Variants in SIPA1L2 observed in about 807,000 individuals in gnomAD.
SIPA1L2 encodes signal-induced proliferation-associated 1-like protein 2.
Under a neutral mutation model 163.9 loss-of-function variants are expected in SIPA1L2, and 56 were observed. That is an observed-to-expected ratio of 0.34 (90% CI 0.28 to 0.43). The LOEUF is 0.43. Ranked by LOEUF, SIPA1L2 falls within the 20% of genes least tolerant of loss-of-function variation. SIPA1L2 has a pLI of 1.00. For missense variants in SIPA1L2, 1,974 were observed against 2,193.5 expected, an observed-to-expected ratio of 0.90 and a Z score of 2.00; for synonymous variants, 877 against 865.7, an observed-to-expected ratio of 1.01 and a Z score of -0.23.
intron 1 of SIPA1L2, among the ~76,000 whole-genome samples, chr1:232,599,185 T>C (rs922216461): frequency 5.9e-5 from 9 of 152,170 alleles, no homozygotes; most frequent in African/African-American, 2.2e-4. Flanking sequence ...GCAGGGGTTC[T>C]GGATTCAGAT....
At chr1:232,585,285 C>A (rs1660596737) in intron 1 of SIPA1L2, among the ~76,000 whole-genome samples, 1 of 152,172 alleles carries the variant, frequency 6.6e-6, no homozygotes, top group Admixed American at 6.5e-5. Context: ...ATAAACATAG[C>A]AGAATATACT....
At chr1:232,420,523 C>G (rs116792093) in intron 18 of SIPA1L2, among the ~76,000 whole-genome samples, 1 of 151,976 alleles carries the variant, frequency 6.6e-6, no homozygotes, top group Non-Finnish European at 1.5e-5. Flanking sequence ...GGAGCCCGTA[C>G]AACTCTTCTG....
chr1:232,601,510 T>C (rs1021477524), intron 1 of SIPA1L2, among the ~76,000 whole-genome samples: 1 of 152,200 alleles, frequency 6.6e-6, no homozygotes, highest in African/African-American at 2.4e-5. Flanking sequence ...GATGTCTTCT[T>C]TGATGATTAA....
chr1:232,404,189 A>C lies in SIPA1L2; in HGVS notation c.4763-11T>G. 1 of 1,613,840 alleles carries C rather than the reference A, an allele frequency of 6.2e-7. No individual in the cohort carries two copies. The highest frequency in any genetic ancestry group is 8.5e-7 in the Non-Finnish European group (1 of 1,179,840). On this transcript the variant is annotated splice_polypyrimidine_tract_variant and intron_variant, in intron 19 of 22. Transcript: ENST00000674635. ...CATCTGAGTCAAGACCTGAAATAAG[A>C]TTTAGAATTTTCCTATGAACAGGAG... is the stretch of plus-strand genomic sequence containing the variant.
chr1:232,402,950 G>T (rs1317208967), intron 21 of SIPA1L2, among the ~76,000 whole-genome samples: 1 of 152,228 alleles, frequency 6.6e-6, no homozygotes, highest in Non-Finnish European at 1.5e-5. Context: ...CACGGGGAAT[G>T]AACATGTCAT....
At chr1:232,552,060 G>A (rs756580755) in intron 2 of SIPA1L2, among the ~76,000 whole-genome samples, 8 of 152,024 alleles carry the variant, frequency 5.3e-5, no homozygotes, top group South Asian at 4.2e-4. Context: ...GGCTGGTCTC[G>A]AATTCCTGAC....
intron 2 of SIPA1L2, among the ~76,000 whole-genome samples, chr1:232,541,225 T>TATCAC (rs1265416760): frequency 6.9e-6 from 1 of 145,072 alleles, no homozygotes; most frequent in East Asian, 2.0e-4. Context: ...CCTGCACATG[T>TATCAC]ATCACATCAC....
chr1:232,585,142 A>G (rs1420356960), intron 1 of SIPA1L2, among the ~76,000 whole-genome samples: 1 of 152,268 alleles, frequency 6.6e-6, no homozygotes, highest in African/African-American at 2.4e-5. Context: ...GGGAAATACA[A>G]TGAAACCATT....
intron 2 of SIPA1L2, among the ~76,000 whole-genome samples, chr1:232,518,839 T>C (rs909607476): frequency 1.6e-4 from 24 of 152,160 alleles, no homozygotes; most frequent in African/African-American, 5.8e-4. Flanking sequence ...TTCTAGTATG[T>C]GGCAGATGTT....
chr1:232,614,345 C>G (rs113402792), intron 1 of SIPA1L2, among the ~76,000 whole-genome samples: 1 of 152,150 alleles, frequency 6.6e-6, no homozygotes, highest in African/African-American at 2.4e-5. Flanking sequence ...AATCAGCAGG[C>G]CAGTTTTCCT....
chr1:232,514,550 C>G lies in SIPA1L2; in HGVS notation c.790G>C (p.Val264Leu), dbSNP rs192976302. The G allele has an allele frequency of 2.5e-6, 4 of 1,614,184 alleles. No homozygotes were observed. The change falls in exon 3 of 23, where the codon GTG becomes CTG. Residue 264 changes from valine to leucine, a missense_variant. Val to Leu is a conservative substitution (Grantham distance 32). This residue lies in a region of SIPA1L2 where 607 missense variants were observed against 624.0 expected (regional missense o/e 0.97). Coordinates refer to ENST00000674635, the MANE Select transcript of SIPA1L2 (RefSeq NM_020808.5). ...CTCCCCATCAGGAGGGCACTGTCCA[C>G]ATAATCTAATCCTGAGATGCGGACA... ...EFVRISGLDY[V>L]DSALLMGRDR...
At chr1:232,431,586 C>T (rs2102830930) in intron 16 of SIPA1L2, among the ~76,000 whole-genome samples, 1 of 152,286 alleles carries the variant, frequency 6.6e-6, no homozygotes, top group African/African-American at 2.4e-5. Context: ...TCATTTAGCA[C>T]GAGTATTCTG....
chr1:232,575,023 C>T (rs1028007548), intron 1 of SIPA1L2, among the ~76,000 whole-genome samples: 13 of 152,180 alleles, frequency 8.5e-5, no homozygotes, highest in African/African-American at 3.1e-4. Context: ...GTCATCTGGA[C>T]TCCTAAGATC....
rs148524095 is a variant in SIPA1L2 at position 232,457,760 on chromosome 1, G to A, written c.3095+3127C>T. Reference sequence around the variant, plus strand: ...ACAGTTTCTTAACAAATCTAATAATGCAGAAGGCTAAACATGCTGAGCGCG... The same window carrying A: ...ACAGTTTCTTAACAAATCTAATAATACAGAAGGCTAAACATGCTGAGCGCG... On this transcript the variant is annotated intron_variant, in intron 10 of 22. Transcript: ENST00000674635. Among the ~76,000 whole-genome samples the A allele has an allele frequency of 7.2e-3, 1,094 of 152,260 alleles. 14 individuals are homozygous for A. The highest frequency in any genetic ancestry group is 0.025 in the African/African-American group (1,032 of 41,540).
At position 232,576,987 on chromosome 1, in the gene SIPA1L2, A is replaced by G. The variant is rs148242910; in HGVS notation, c.-318-2765T>C. Among the ~76,000 whole-genome samples the G allele has an allele frequency of 2.0e-3, 299 of 152,330 alleles. 1 individual carries two copies. The highest frequency in any genetic ancestry group is 6.9e-3 in the African/African-American group (285 of 41,580). ...TACAAGGAGAGCTACACTAAACAGC[A>G]AATGTTCTATGTAAATCAAACAGCC... On this transcript the variant is annotated intron_variant, in intron 1 of 22. Transcript: ENST00000674635.
chr1:232,444,490 A>G (rs1455214790), intron 11 of SIPA1L2, among the ~76,000 whole-genome samples: 1 of 152,230 alleles, frequency 6.6e-6, no homozygotes, highest in Non-Finnish European at 1.5e-5. Flanking sequence ...AAGATGATTG[A>G]ATGTTAAATT....
chr1:232,577,473 T>G, intron 1 of SIPA1L2, among the ~76,000 whole-genome samples: 1 of 152,306 alleles, frequency 6.6e-6, no homozygotes, highest in Non-Finnish European at 1.5e-5. Context: ...AATTTTATTA[T>G]TTAAGAGGTA....
chr1:232,601,786 C>T (rs1228823093), intron 1 of SIPA1L2, among the ~76,000 whole-genome samples: 1 of 152,150 alleles, frequency 6.6e-6, no homozygotes, highest in African/African-American at 2.4e-5. Context: ...ATTTTTCAAC[C>T]AGGTAGATAA....
intron 3 of SIPA1L2, among the ~76,000 whole-genome samples, chr1:232,500,434 C>T (rs560228701): frequency 2.0e-5 from 3 of 152,254 alleles, no homozygotes; most frequent in East Asian, 3.9e-4. Flanking sequence ...CCATTAAGAA[C>T]GTTTATGATT....
Sources: allele counts gnomAD v4.1 joint callset (sites outside exome capture counted in the v4.1 genomes callset), GRCh38; gene constraint gnomAD v4.1.1; regional missense constraint gnomAD v4.1.1; transcripts MANE v1.5; gene names NCBI Gene and HGNC (gene_info 2026-07-23, HGNC 2026-07-21).